Variants in RBFOX1 observed in about 807,000 individuals in gnomAD.
RBFOX1 encodes RNA binding protein fox-1 homolog 1.
A neutral mutation model predicts 57.7 loss-of-function variants in RBFOX1; 8 were observed. The observed-to-expected ratio is 0.14, with a 90% CI of 0.08 to 0.25. The LOEUF is 0.25. Ranked by LOEUF, RBFOX1 falls within the 10% of genes least tolerant of loss-of-function variation. RBFOX1 has a pLI of 1.00. For synonymous variants in RBFOX1, 326 were observed against 222.4 expected (o/e 1.47, Z -4.15); for missense variants, 611 against 548.5 (o/e 1.11, Z -1.14).
intron 10 of RBFOX1, among the ~76,000 whole-genome samples, chr16:7,626,747 T>C (rs1358024904): frequency 6.6e-6 from 1 of 152,166 alleles, no homozygotes; most frequent in Non-Finnish European, 1.5e-5. Context: ...TTTCCTGCCA[T>C]GAACAGGCGG....
At chr16:5,556,382 A>C (rs947978051) in intron 2 of RBFOX1, among the ~76,000 whole-genome samples, 2 of 152,188 alleles carry the variant, frequency 1.3e-5, no homozygotes, top group African/African-American at 4.8e-5. Flanking sequence ...TGAGCCGAGG[A>C]AGATGAAATG....
At chr16:6,181,739 C>T (rs1255561755) in intron 1 of RBFOX1, among the ~76,000 whole-genome samples, 1 of 152,110 alleles carries the variant, frequency 6.6e-6, no homozygotes, top group Non-Finnish European at 1.5e-5. Flanking sequence ...AAGATCCTGT[C>T]ATCTATTAGT....
At chr16:6,299,596 C>T (rs1404743905) in intron 1 of RBFOX1, among the ~76,000 whole-genome samples, 3 of 152,152 alleles carry the variant, frequency 2.0e-5, no homozygotes, top group Non-Finnish European at 4.4e-5. Context: ...ATCCAGGTCA[C>T]TCTCTACCAT....
Position 6,160,903 on chromosome 16 carries a change from C to G in RBFOX1, c.-127+140911C>G, listed in dbSNP as rs570918189. Reference sequence around the variant, plus strand: ...CTTTTCTGAGATTGCCCTCATCGCTCTCCGCACACGATCCTGCTTTATCAT... The same window carrying G: ...CTTTTCTGAGATTGCCCTCATCGCTGTCCGCACACGATCCTGCTTTATCAT... On this transcript the variant is annotated intron_variant, in intron 1 of 15. Transcript: ENST00000550418. Among the ~76,000 whole-genome samples, 5 of 152,296 alleles carry G rather than the reference C, an allele frequency of 3.3e-5. No individual in the cohort carries two copies. In the South Asian group the frequency reaches 6.2e-4, roughly 19 times the overall value.
rs1215209660 is a variant in RBFOX1 at position 5,598,851 on chromosome 16, C to T, written c.259-51C>T. ...GGTTACTCAAGGTTAGAATTTTTTT[C>T]CTCAACCCGGCTTCCCCAACCTTTT... On this transcript the variant is annotated intron_variant, in intron 2 of 2. Transcript: ENST00000585867. The T allele has an allele frequency of 5.1e-6, 7 of 1,385,580 alleles. No individual in the cohort carries two copies. The East Asian group carries it at 1.7e-4, about 35-fold the overall frequency. The allele number at this position is 1,385,580 out of a possible 1,614,324, so 85.8% of individuals were successfully genotyped here.
intron 1 of RBFOX1, among the ~76,000 whole-genome samples, chr16:5,333,251 GACA>G (rs1362975557): frequency 1.3e-5 from 2 of 152,184 alleles, no homozygotes; most frequent in East Asian, 3.9e-4. Flanking sequence ...TGCAGGGGCT[GACA>G]AACCATGGTC....
At position 6,805,978 on chromosome 16, in the gene RBFOX1, C is replaced by A. The variant is rs182171294; in HGVS notation, c.-16+151328C>A. Among the ~76,000 whole-genome samples, 4 of 152,226 alleles carry A rather than the reference C, an allele frequency of 2.6e-5. 1 individual carries two copies. The highest frequency in any genetic ancestry group is 9.6e-5 in the African/African-American group (4 of 41,542). On this transcript the variant is annotated intron_variant, in intron 3 of 15. Coordinates refer to ENST00000550418, the MANE Select transcript of RBFOX1 (RefSeq NM_018723.4). Reference sequence around the variant, plus strand: ...GCCAAGCTGGAAAAGGAGGAGTTACCTTTTGTGAGGTGAGAAGGGGAAAAA... The same window carrying A: ...GCCAAGCTGGAAAAGGAGGAGTTACATTTTGTGAGGTGAGAAGGGGAAAAA...
intron 3 of RBFOX1, among the ~76,000 whole-genome samples, chr16:5,637,813 G>A (rs1460641190): frequency 6.6e-6 from 1 of 152,078 alleles, no homozygotes; most frequent in African/African-American, 2.4e-5. Context: ...TGAGGAGGGA[G>A]GGCCACAGGG....
chr16:7,235,226 C>T (rs1356980482), intron 4 of RBFOX1, among the ~76,000 whole-genome samples: 1 of 152,084 alleles, frequency 6.6e-6, no homozygotes, highest in Admixed American at 6.6e-5. Flanking sequence ...GAGAATAGCT[C>T]TGGGATGAGG....
Position 7,325,787 on chromosome 16 carries a change from C to G in RBFOX1, c.28-192360C>G, listed in dbSNP as rs570227531. Among the ~76,000 whole-genome samples the G allele has an allele frequency of 6.6e-5, 10 of 152,270 alleles. No individual in the cohort carries two copies. The South Asian group carries it at 2.1e-3, about 32-fold the overall frequency. ...CATTGACAACCCTTTTGTAGCCATC[C>G]TCTCCTTCACTGGGAATTCATTTGT... On this transcript the variant is annotated intron_variant, in intron 4 of 15. Transcript: ENST00000550418.
At chr16:6,644,734 A>T (rs773256457) in intron 2 of RBFOX1, among the ~76,000 whole-genome samples, 1 of 152,130 alleles carries the variant, frequency 6.6e-6, no homozygotes, top group Non-Finnish European at 1.5e-5. Context: ...TGTATTGTGG[A>T]AACACCTGGG....
intron 3 of RBFOX1, among the ~76,000 whole-genome samples, chr16:7,024,040 A>C (rs1374680759): frequency 6.6e-6 from 1 of 152,170 alleles, no homozygotes; most frequent in African/African-American, 2.4e-5. Context: ...AAAGGATTTA[A>C]GAGGAAGGTC....
chr16:7,382,521 C>G (rs1196515108), intron 4 of RBFOX1, among the ~76,000 whole-genome samples: 1 of 152,204 alleles, frequency 6.6e-6, no homozygotes, highest in East Asian at 1.9e-4. Context: ...AAAGATAGTG[C>G]AGCAGAGGAA....
At chr16:6,491,101 T>C (rs2095622524) in intron 2 of RBFOX1, among the ~76,000 whole-genome samples, 2 of 152,040 alleles carry the variant, frequency 1.3e-5, no homozygotes, top group African/African-American at 4.8e-5. Flanking sequence ...AAATTATACG[T>C]GTATATATAG....
intron 10 of RBFOX1, among the ~76,000 whole-genome samples, chr16:7,616,686 C>T (rs1175295884): frequency 6.6e-6 from 1 of 152,154 alleles, no homozygotes; most frequent in Non-Finnish European, 1.5e-5. Context: ...TGCCCGCCAC[C>T]ACACCCAGCT....
At chr16:6,691,994 C>T (rs564899088) in intron 3 of RBFOX1, among the ~76,000 whole-genome samples, 6 of 152,254 alleles carry the variant, frequency 3.9e-5, no homozygotes, top group African/African-American at 1.2e-4. Flanking sequence ...GATTTTTCCC[C>T]TACAGCTTTC....
At chr16:7,438,753 C>G (rs530716135) in intron 4 of RBFOX1, among the ~76,000 whole-genome samples, 1 of 152,296 alleles carries the variant, frequency 6.6e-6, no homozygotes, top group African/African-American at 2.4e-5. Flanking sequence ...TTCATTCTCC[C>G]TTTGCACCAC....
intron 2 of RBFOX1, among the ~76,000 whole-genome samples, chr16:6,618,145 G>A (rs139906905): frequency 6.6e-6 from 1 of 152,128 alleles, no homozygotes; most frequent in African/African-American, 2.4e-5. Flanking sequence ...CAGTGTTACA[G>A]GGACATGAGG....
chr16:6,801,118 A>T (rs375980723), intron 3 of RBFOX1, among the ~76,000 whole-genome samples: 5 of 151,528 alleles, frequency 3.3e-5, no homozygotes, highest in East Asian at 3.9e-4. Context: ...GGATTGACCT[A>T]TTAAGCATTT....
Sources: allele counts gnomAD v4.1 joint callset (sites outside exome capture counted in the v4.1 genomes callset), GRCh38; gene constraint gnomAD v4.1.1; transcripts MANE v1.5; gene names NCBI Gene and HGNC (gene_info 2026-07-23, HGNC 2026-07-21).